Variants in LIFR observed in about 807,000 individuals in gnomAD.
LIFR encodes LIF receptor subunit alpha.
Under a neutral mutation model 122.2 loss-of-function variants are expected in LIFR, and 84 were observed. That is an observed-to-expected ratio of 0.69 (90% CI 0.58 to 0.82). The LOEUF is 0.82. LIFR is among the 40% of genes least tolerant of loss of function. The pLI, the probability that LIFR is intolerant of heterozygous loss-of-function variation, is 0.00. For synonymous variants in LIFR, 422 were observed against 434.7 expected (o/e 0.97, Z 0.36); for missense variants, 1,294 against 1,311.6 (o/e 0.99, Z 0.21).
At chr5:38,495,283 G>A (rs1744817721) in intron 13 of LIFR, among the ~76,000 whole-genome samples, 1 of 152,198 alleles carries the variant, frequency 6.6e-6, no homozygotes, top group African/African-American at 2.4e-5. Context: ...AGCATTGTGA[G>A]TGCAATGAAA....
In LIFR at chr5:38,505,970, G is replaced by A. The variant is rs899330619; in HGVS notation, c.1226C>T (p.Thr409Ile). ...MLPNQEIYNF[T>I]LNAHNPLGRS... The stretch of plus-strand genomic sequence containing the variant: ...ACCCAGCGGATTGTGAGCATTCAAA[G>A]TAAAATTATATATTTCTTGATTTGG... The change falls in exon 9 of 20, where the codon ACT becomes ATT. Residue 409 changes from threonine to isoleucine, a missense_variant. Transcript: ENST00000453190. The A allele has an allele frequency of 9.3e-6, 15 of 1,610,190 alleles. No individual in the cohort carries two copies. Among genetic ancestry groups the A allele is most frequent in the Middle Eastern group, 3.4e-4 (2 of 5,926 alleles).
chr5:38,498,605 AGATAATGAAGCTAG>A (rs1251104790), intron 12 of LIFR, among the ~76,000 whole-genome samples: 1 of 152,218 alleles, frequency 6.6e-6, no homozygotes, highest in Non-Finnish European at 1.5e-5. Flanking sequence ...CCATCAGCAT[AGATAATGAAGCTAG>A]AATCTAAATC....
At chr5:38,531,020 T>C (rs1328070273) in intron 1 of LIFR, 1 of 194,680 alleles carries the variant, frequency 5.1e-6, no homozygotes, top group Non-Finnish European at 1.1e-5. Context: ...TTGACAATTT[T>C]AAGTGATACC....
At chr5:38,486,929 T>C (rs1222709877) in intron 16 of LIFR, among the ~76,000 whole-genome samples, 2 of 152,254 alleles carry the variant, frequency 1.3e-5, no homozygotes, top group African/African-American at 4.8e-5. Flanking sequence ...GGTGTCATCA[T>C]GTTTCCTATC....
intron 1 of LIFR, chr5:38,579,430 G>A (rs1178536251): frequency 3.3e-5 from 5 of 152,092 alleles, no homozygotes; most frequent in Non-Finnish European, 7.4e-5. Flanking sequence ...ATTTCATAAA[G>A]TAGGTCAAAT....
intron 7 of LIFR, among the ~76,000 whole-genome samples, chr5:38,509,745 G>A (rs907050887): frequency 6.6e-6 from 1 of 152,150 alleles, no homozygotes; most frequent in Non-Finnish European, 1.5e-5. Context: ...AAACATTACA[G>A]TTGCTACAAG....
chr5:38,506,170 T>G, intron 8 of LIFR, 96 bp from the exon 9 acceptor site: 1 of 802,294 alleles, frequency 1.2e-6, no homozygotes, highest in Non-Finnish European at 2.0e-6. Context: ...TATAAAAAGT[T>G]TAAATTTCTA....
At chr5:38,604,392 G>A (rs1449935157) in intron 2 of LIFR, among the ~76,000 whole-genome samples, 1 of 152,182 alleles carries the variant, frequency 6.6e-6, no homozygotes, top group African/African-American at 2.4e-5. Context: ...TCTGAGACAA[G>A]TCTCAATCAA....
Position 38,603,795 on chromosome 5 carries a change from C to T in LIFR, n.305+2410G>A, listed in dbSNP as rs1750270002. ...TGTAACTATCCAAGGGTTTTATTAC[C>T]CAGGAAGGTCAAGTCTTCAGGATGT... On this transcript the variant is annotated intron_variant and non_coding_transcript_variant, in intron 2 of 3. Transcript: ENST00000507786. Among the ~76,000 whole-genome samples, 6 of 152,224 alleles carry T rather than the reference C, an allele frequency of 3.9e-5. No individual in the cohort carries two copies. The South Asian group carries it at 1.2e-3, about 32-fold the overall frequency.
intron 1 of LIFR, among the ~76,000 whole-genome samples, chr5:38,569,696 A>G (rs890771437): frequency 6.6e-6 from 1 of 152,128 alleles, no homozygotes; most frequent in Admixed American, 6.5e-5. Context: ...GTGTCTTACA[A>G]TCTGGGCAGA....
intron 1 of LIFR, among the ~76,000 whole-genome samples, chr5:38,549,623 C>T (rs1414963497): frequency 6.6e-6 from 1 of 152,122 alleles, no homozygotes; most frequent in Non-Finnish European, 1.5e-5. Flanking sequence ...AAACGCATCT[C>T]TACTAAAAAT....
chr5:38,579,223 T>A (rs1012760), intron 1 of LIFR: 2 of 152,016 alleles, frequency 1.3e-5, no homozygotes, highest in East Asian at 3.9e-4. Flanking sequence ...AAAGAATAGA[T>A]GAACTACACC....
intron 11 of LIFR, among the ~76,000 whole-genome samples, chr5:38,502,050 G>A (rs577244665): frequency 1.3e-5 from 2 of 151,496 alleles, no homozygotes; most frequent in East Asian, 3.9e-4. Context: ...AAAAGAATGG[G>A]AGAAAAATCA....
chr5:38,510,101 T>C (rs964203741), intron 7 of LIFR, among the ~76,000 whole-genome samples: 29 of 152,232 alleles, frequency 1.9e-4, no homozygotes, highest in African/African-American at 6.3e-4. Context: ...AAAAAAGGTA[T>C]ACTTTAACTG....
intron 1 of LIFR, among the ~76,000 whole-genome samples, chr5:38,574,212 C>G (rs560459771): frequency 5.4e-4 from 82 of 152,266 alleles, no homozygotes; most frequent in African/African-American, 1.5e-3. Context: ...CTCCCCTCTG[C>G]TTACTCCTGT....
At chr5:38,547,297 ATTC>A (rs1281171390) in intron 1 of LIFR, among the ~76,000 whole-genome samples, 2 of 152,254 alleles carry the variant, frequency 1.3e-5, no homozygotes, top group African/African-American at 4.8e-5. Context: ...TCCAAAAATG[ATTC>A]TTGATTCATA....
chr5:38,528,922 C>A (rs1746853043), intron 2 of LIFR, 82 bp from the exon 3 acceptor site: 1 of 877,636 alleles, frequency 1.1e-6, no homozygotes, highest in South Asian at 1.4e-5. Flanking sequence ...CAACTGCACT[C>A]TAAAAAGTCA....
intron 2 of LIFR, among the ~76,000 whole-genome samples, chr5:38,601,722 A>T (rs1229942515): frequency 1.3e-5 from 2 of 151,596 alleles, no homozygotes. Context: ...TTCCTTTTTC[A>T]CTTTGCTGGG....
chr5:38,584,497 CA>C (rs1749684658), intron 1 of LIFR, among the ~76,000 whole-genome samples: 1 of 151,926 alleles, frequency 6.6e-6, no homozygotes, highest in South Asian at 2.1e-4. Context: ...CATATACACA[CA>C]TACACAAACA....
Sources: gnomAD v4.1 joint callset for allele counts (sites outside exome capture counted in the v4.1 genomes callset) on GRCh38, gnomAD v4.1.1 for gene constraint, MANE v1.5 for transcripts, NCBI Gene and HGNC (gene_info 2026-07-23, HGNC 2026-07-21) for gene names.